CACNA1C: variants seen among roughly 807,000 people sequenced by gnomAD.
The protein encoded by CACNA1C is calcium voltage-gated channel subunit alpha1 C, also known as voltage-dependent L-type calcium channel subunit alpha-1C.
In CACNA1C, 30 loss-of-function variants were observed where a neutral mutation model predicts 229.0. The ratio of observed to expected loss-of-function variants is 0.13; its 90% CI spans 0.10 to 0.18. The LOEUF (loss-of-function observed/expected upper bound fraction) is 0.18. Among genes scored for constraint, CACNA1C ranks in the 10% least tolerant of loss-of-function variants. The pLI is 1.00. For missense variants in CACNA1C, 1,658 were observed against 2,845.0 expected (o/e 0.58, Z 9.49); for synonymous variants, 1,114 against 1,132.5 (o/e 0.98, Z 0.33).
At chr12:2,009,762 C>G (rs1420447142) in intron 1 of CACNA1C, among the ~76,000 whole-genome samples, 1 of 152,116 alleles carries the variant, frequency 6.6e-6, no homozygotes, top group Non-Finnish European at 1.5e-5. Flanking sequence ...ATGCATGGTT[C>G]ATTTATGTTT....
chr12:2,524,668 C>A (rs2099815613), intron 9 of CACNA1C, among the ~76,000 whole-genome samples: 1 of 152,240 alleles, frequency 6.6e-6, no homozygotes, highest in South Asian at 2.1e-4. Context: ...TTTGCCACCC[C>A]CGGGGCCTCA....
intron 4 of CACNA1C, among the ~76,000 whole-genome samples, chr12:2,452,242 C>A (rs2099385634): frequency 6.6e-6 from 1 of 151,922 alleles, no homozygotes. Context: ...AGACACGTGG[C>A]ATTTCTTTCC....
At chr12:2,674,406 A>T in intron 38 of CACNA1C, 135 bp from the exon 39 acceptor site, 1 of 1,291,912 alleles carries the variant, frequency 7.7e-7, no homozygotes, top group Non-Finnish European at 1.0e-6. Context: ...GGGAGAAGTG[A>T]AGCAAGCAAG....
chr12:2,533,596 G>A (rs1274786778), intron 9 of CACNA1C, among the ~76,000 whole-genome samples: 1 of 152,206 alleles, frequency 6.6e-6, no homozygotes, highest in Non-Finnish European at 1.5e-5. Flanking sequence ...AGGCTGCTTG[G>A]TGCAGCAGAG....
chr12:1,999,317 T>C (rs532562075), intron 1 of CACNA1C, among the ~76,000 whole-genome samples: 4 of 152,340 alleles, frequency 2.6e-5, no homozygotes, highest in Non-Finnish European at 5.9e-5. Flanking sequence ...GCACAAATCA[T>C]ATCAAGCTAT....
intron 3 of CACNA1C, among the ~76,000 whole-genome samples, chr12:2,148,095 T>G (rs1173319074): frequency 2.0e-5 from 3 of 151,250 alleles, no homozygotes; most frequent in African/African-American, 7.3e-5. Context: ...CATTATAAAG[T>G]CATAAGGAAT....
chr12:2,204,107 G>A (rs1235115206), intron 3 of CACNA1C, among the ~76,000 whole-genome samples: 1 of 152,050 alleles, frequency 6.6e-6, no homozygotes, highest in African/African-American at 2.4e-5. Flanking sequence ...ATCCTCTCCA[G>A]CACCTGTTGT....
chr12:2,463,518 A>G (rs1023766267), intron 5 of CACNA1C, among the ~76,000 whole-genome samples: 1 of 152,242 alleles, frequency 6.6e-6, no homozygotes, highest in Non-Finnish European at 1.5e-5. Flanking sequence ...AAGATGTGCA[A>G]TGTGATGAAT....
At chr12:2,306,024 T>A (rs1168417600) in intron 3 of CACNA1C, among the ~76,000 whole-genome samples, 2 of 152,070 alleles carry the variant, frequency 1.3e-5, no homozygotes, top group Non-Finnish European at 2.9e-5. Context: ...CACCAAGAGG[T>A]AAGGAACTTG....
chr12:2,129,451 G>A (rs940883039), intron 3 of CACNA1C, among the ~76,000 whole-genome samples: 1 of 152,162 alleles, frequency 6.6e-6, no homozygotes, highest in African/African-American at 2.4e-5. Context: ...GTCTAAATAT[G>A]GTGACACCTC....
At chr12:2,435,003 A>G (rs2099120517) in intron 3 of CACNA1C, among the ~76,000 whole-genome samples, 1 of 152,160 alleles carries the variant, frequency 6.6e-6, no homozygotes, top group Admixed American at 6.5e-5. Flanking sequence ...GGTCCCAGAT[A>G]CAACATCCTG....
chr12:2,290,655 G>A (rs1225604669), intron 3 of CACNA1C, among the ~76,000 whole-genome samples: 2 of 152,128 alleles, frequency 1.3e-5, no homozygotes, highest in Non-Finnish European at 2.9e-5. Context: ...CTTGTACCTG[G>A]CTTTATTAGA....
In CACNA1C at chr12:2,403,805, A is replaced by G. The variant is rs888489119; in HGVS notation, c.478-45171A>G. Among the ~76,000 whole-genome samples the G allele has an allele frequency of 3.3e-5, 5 of 152,034 alleles. No homozygotes were observed. The highest frequency in any genetic ancestry group is 3.3e-4 in the Admixed American group (5 of 15,268). On this transcript the variant is annotated intron_variant, in intron 3 of 46. Coordinates refer to ENST00000399655, the MANE Select transcript of CACNA1C (RefSeq NM_000719.7). This position sits in a 1 kb window ranked among gnomAD's most constrained non-coding sequence, Gnocchi z 4.1. The stretch of plus-strand genomic sequence containing the variant: ...GAGCACTCGGTGCCTTTCCCACCAC[A>G]AGATGACGAAGATGTGGTGTTGACA...
intron 1 of CACNA1C, among the ~76,000 whole-genome samples, chr12:2,089,329 G>T (rs1304523388): frequency 6.6e-6 from 1 of 152,208 alleles, no homozygotes; most frequent in African/African-American, 2.4e-5. Flanking sequence ...GGATTAATTT[G>T]CATGAAGCTA....
At chr12:2,351,143 C>A (rs948662326) in intron 3 of CACNA1C, among the ~76,000 whole-genome samples, 1 of 152,216 alleles carries the variant, frequency 6.6e-6, no homozygotes, top group Non-Finnish European at 1.5e-5. Context: ...TCTTTCTTGT[C>A]TGGGGCTGGC....
chr12:2,550,590 G>T (rs779735635), intron 10 of CACNA1C: 10 of 1,351,684 alleles, frequency 7.4e-6, no homozygotes, highest in Non-Finnish European at 9.8e-6. Context: ...GTTGCCTTGG[G>T]GTGTCACGAC....
intron 1 of CACNA1C, among the ~76,000 whole-genome samples, chr12:2,082,756 A>T (rs2066130062): frequency 6.6e-6 from 1 of 152,122 alleles, no homozygotes; most frequent in African/African-American, 2.4e-5. Flanking sequence ...CTAGTCACAC[A>T]CTGGAGAAGA....
intron 5 of CACNA1C, among the ~76,000 whole-genome samples, chr12:2,473,043 G>A (rs1241661454): frequency 2.0e-5 from 3 of 152,224 alleles, no homozygotes; most frequent in South Asian, 4.1e-4. Context: ...TGCCCTTGCA[G>A]TGTCAGAGTC....
intron 18 of CACNA1C, among the ~76,000 whole-genome samples, chr12:2,587,268 G>C (rs111488350): frequency 6.6e-6 from 1 of 152,302 alleles, no homozygotes; most frequent in African/African-American, 2.4e-5. Context: ...GTCCAAAGTT[G>C]TTGAAGCTGG....
Sources: gnomAD v4.1 joint callset for allele counts (sites outside exome capture counted in the v4.1 genomes callset) on GRCh38, gnomAD v4.1.1 for gene constraint, Gnocchi (gnomAD v3.1) non-coding constraint, MANE v1.5 for transcripts, NCBI Gene and HGNC (gene_info 2026-07-23, HGNC 2026-07-21) for gene names.